The following RBFOX1 variants were observed in gnomAD, a reference collection of about 807,000 sequenced individuals.
RBFOX1 encodes the protein RNA binding fox-1 homolog 1, also known as RNA binding protein fox-1 homolog 1.
A neutral mutation model predicts 57.7 loss-of-function variants in RBFOX1; 8 were observed. The ratio of observed to expected loss-of-function variants is 0.14; its 90% CI spans 0.08 to 0.25. RBFOX1 has a LOEUF of 0.25. Among genes scored for constraint, RBFOX1 ranks in the 10% least tolerant of loss-of-function variants. The pLI, the probability that RBFOX1 is intolerant of heterozygous loss-of-function variation, is 1.00. For synonymous variants in RBFOX1, 326 were observed against 222.4 expected (o/e 1.47, Z -4.15); for missense variants, 611 against 548.5 (o/e 1.11, Z -1.14).
intron 3 of RBFOX1, among the ~76,000 whole-genome samples, chr16:6,724,422 G>A (rs2066702146): frequency 6.6e-6 from 1 of 151,896 alleles, no homozygotes; most frequent in South Asian, 2.1e-4. Flanking sequence ...TTGCCAGGCT[G>A]GTCTCGAACT....
rs1052025915 is a variant in RBFOX1, at chr16:5,471,431, G to A, written c.258+4177G>A. Among the ~76,000 whole-genome samples, 3 of 152,190 alleles carry A rather than the reference G, an allele frequency of 2.0e-5. No individual in the cohort carries two copies. The East Asian group carries it at 5.8e-4, about 29-fold the overall frequency. Reference sequence around the variant, plus strand: ...TGTTGAGTGGTGTCCTTTTTCTCTCGGAGAGATGCTCTATGAAACTAACAG... The same window carrying A: ...TGTTGAGTGGTGTCCTTTTTCTCTCAGAGAGATGCTCTATGAAACTAACAG... On this transcript the variant is annotated intron_variant, in intron 2 of 2. Transcript: ENST00000585867.
intron 3 of RBFOX1, among the ~76,000 whole-genome samples, chr16:5,737,728 C>T (rs962005862): frequency 6.6e-6 from 1 of 152,054 alleles, no homozygotes; most frequent in African/African-American, 2.4e-5. Flanking sequence ...GATGGCTGCA[C>T]AACTCTGTGA....
At chr16:5,846,129 C>T (rs2056750313) in intron 3 of RBFOX1, among the ~76,000 whole-genome samples, 1 of 151,588 alleles carries the variant, frequency 6.6e-6, no homozygotes, top group Non-Finnish European at 1.5e-5. Flanking sequence ...TTGCAGTGAG[C>T]CAAGATCGTG....
intron 4 of RBFOX1, among the ~76,000 whole-genome samples, chr16:7,270,751 T>C (rs2095298889): frequency 6.6e-6 from 1 of 152,260 alleles, no homozygotes; most frequent in South Asian, 2.1e-4. Context: ...TTAATCCCAC[T>C]GATGCTTCAC....
intron 2 of RBFOX1, among the ~76,000 whole-genome samples, chr16:6,351,582 C>A (rs908783444): frequency 4.6e-5 from 7 of 151,698 alleles, no homozygotes; most frequent in African/African-American, 1.7e-4. Context: ...CTATTTTGGC[C>A]AGGGTGGTCT....
At chr16:6,791,625 G>A (rs2082963729) in intron 3 of RBFOX1, among the ~76,000 whole-genome samples, 1 of 152,146 alleles carries the variant, frequency 6.6e-6, no homozygotes, top group Admixed American at 6.5e-5. Flanking sequence ...CAGGTGTAGT[G>A]GTGCGTGCTT....
Position 5,540,818 on chromosome 16 carries a change from C to T in RBFOX1, c.259-58084C>T, listed in dbSNP as rs111410860. Among the ~76,000 whole-genome samples, 36 of 152,198 alleles carry T rather than the reference C, an allele frequency of 2.4e-4. 1 individual carries two copies. The highest frequency in any genetic ancestry group is 7.2e-4 in the African/African-American group (30 of 41,532). Reference sequence around the variant, plus strand: ...CAGAATCTCAGCTCCATCCCAATTGCGCTGAATCTAAATCTGAATCTGCAG... The same window carrying T: ...CAGAATCTCAGCTCCATCCCAATTGTGCTGAATCTAAATCTGAATCTGCAG... On this transcript the variant is annotated intron_variant, in intron 2 of 2. Coordinates refer to the RBFOX1 transcript ENST00000585867.
In RBFOX1 at chr16:7,075,589, C is replaced by CT. The variant is rs961869295; in HGVS notation, c.27+23498dup. 1.1e-3 allele frequency among the ~76,000 whole-genome samples: 166 copies of CT among 151,302 alleles called. 1 individual carries two copies. Among genetic ancestry groups the CT allele is most frequent in the Middle Eastern group, 3.4e-3 (1 of 294 alleles). On this transcript the variant is annotated intron_variant, in intron 4 of 15. Coordinates refer to ENST00000550418, the MANE Select transcript of RBFOX1 (RefSeq NM_018723.4). Reference sequence around the variant, plus strand: ...TTTTTTCTTTTTTTTATTTATTTTTCTTTTTTTATGAGACGGAGTCTCGCT... The same window carrying CT: ...TTTTTTCTTTTTTTTATTTATTTTTCTTTTTTTTATGAGACGGAGTCTCGCT...
At chr16:7,607,855 C>T (rs1455094842) in intron 10 of RBFOX1, among the ~76,000 whole-genome samples, 4 of 152,176 alleles carry the variant, frequency 2.6e-5, no homozygotes, top group African/African-American at 9.7e-5. Context: ...ATTCCCTTAG[C>T]AATTCCTTTT....
intron 2 of RBFOX1, among the ~76,000 whole-genome samples, chr16:5,559,165 CAA>C (rs35531242): frequency 0.07 from 4,544 of 64,980 alleles, 119 homozygotes; most frequent in African/African-American, 0.24. Context: ...CCCCCCCAGG[CAA>C]AAAAAAAAAA....
chr16:5,984,714 A>G (rs2060246390), intron 4 of RBFOX1, among the ~76,000 whole-genome samples: 1 of 152,112 alleles, frequency 6.6e-6, no homozygotes, highest in Non-Finnish European at 1.5e-5. Context: ...TTATGGGAAC[A>G]TCACAGAAGG....
chr16:6,144,160 A>G (rs2096740478), intron 1 of RBFOX1, among the ~76,000 whole-genome samples: 1 of 152,138 alleles, frequency 6.6e-6, no homozygotes, highest in Admixed American at 6.5e-5. Flanking sequence ...ATGGATCAAC[A>G]AATTAGACTC....
chr16:6,186,283 G>A (rs1001509007), intron 1 of RBFOX1, among the ~76,000 whole-genome samples: 70 of 152,170 alleles, frequency 4.6e-4, no homozygotes, highest in Non-Finnish European at 9.1e-4. Flanking sequence ...CTGGGTTAGA[G>A]TGTTGTTCCA....
chr16:6,035,638 C>A (rs1238337534), intron 1 of RBFOX1, among the ~76,000 whole-genome samples: 1 of 152,198 alleles, frequency 6.6e-6, no homozygotes, highest in East Asian at 1.9e-4. Context: ...GGCATCAGCC[C>A]TCCCAGCTCC....
intron 4 of RBFOX1, among the ~76,000 whole-genome samples, chr16:7,494,272 G>A (rs528144620): frequency 6.6e-6 from 1 of 152,156 alleles, no homozygotes; most frequent in Non-Finnish European, 1.5e-5. Context: ...ATGCTTTTAG[G>A]TGATTCAGAA....
chr16:6,637,541 C>T (rs78591097), intron 2 of RBFOX1, among the ~76,000 whole-genome samples: 14 of 11,472 alleles, frequency 1.2e-3, no homozygotes, highest in East Asian at 6.3e-3. Context: ...ATAGTATATA[C>T]AATCTGCATA....
intron 4 of RBFOX1, among the ~76,000 whole-genome samples, chr16:7,076,123 C>T (rs1240483721): frequency 1.3e-5 from 2 of 151,134 alleles, no homozygotes; most frequent in Non-Finnish European, 2.9e-5. Flanking sequence ...CTCACTGCAA[C>T]CTCTGCCTCC....
chr16:5,730,749 A>G (rs755601620), intron 3 of RBFOX1, among the ~76,000 whole-genome samples: 4 of 152,052 alleles, frequency 2.6e-5, no homozygotes, highest in African/African-American at 9.7e-5. Flanking sequence ...TGCCACCATC[A>G]TCACCATCAG....
chr16:7,466,409 C>A (rs1475904327), intron 4 of RBFOX1, among the ~76,000 whole-genome samples: 1 of 152,132 alleles, frequency 6.6e-6, no homozygotes. Flanking sequence ...CCCAGTGAGG[C>A]AGGTACTCAT....
Sources: allele counts gnomAD v4.1 joint callset (sites outside exome capture counted in the v4.1 genomes callset), GRCh38; gene constraint gnomAD v4.1.1; transcripts MANE v1.5; gene names NCBI Gene and HGNC (gene_info 2026-07-23, HGNC 2026-07-21).